ZMIZ1: variants seen among roughly 807,000 people sequenced by gnomAD.
ZMIZ1 encodes the protein zinc finger MIZ domain-containing protein 1.
A neutral mutation model predicts 113.9 loss-of-function variants in ZMIZ1; 17 were observed. The ratio of observed to expected loss-of-function variants is 0.15; its 90% CI spans 0.10 to 0.22. ZMIZ1 has a LOEUF of 0.22. Among genes scored for constraint, ZMIZ1 ranks in the 10% least tolerant of loss-of-function variants. The pLI, the probability that ZMIZ1 is intolerant of heterozygous loss-of-function variation, is 1.00. For synonymous variants in ZMIZ1, 607 were observed against 603.1 expected, an observed-to-expected ratio of 1.01 and a Z score of -0.09; for missense variants, 1,059 against 1,477.8, an observed-to-expected ratio of 0.72 and a Z score of 4.65.
chr10:79,261,501 C>A (rs532271405), intron 7 of ZMIZ1, among the ~76,000 whole-genome samples: 3 of 152,322 alleles, frequency 2.0e-5, no homozygotes, highest in Admixed American at 6.5e-5. Flanking sequence ...AAACAGGGAG[C>A]CTGGCCTGAA....
chr10:79,253,667 ACTGG>A (rs1850693351), intron 7 of ZMIZ1, among the ~76,000 whole-genome samples: 1 of 152,184 alleles, frequency 6.6e-6, no homozygotes, highest in Non-Finnish European at 1.5e-5. Context: ...CCACCAGGGC[ACTGG>A]CAAGGTCCTG....
Position 79,293,388 on chromosome 10 carries a change from C to T in ZMIZ1, c.965C>T (p.Pro322Leu). 1.3e-6 allele frequency: 2 copies of T among 1,514,522 alleles called. No individual in the cohort carries two copies. The highest frequency in any genetic ancestry group is 1.8e-6 in the Non-Finnish European group (2 of 1,132,354). The allele number at this position is 1,514,522 out of a possible 1,614,324, so 93.8% of individuals were successfully genotyped here. ...GTCTGTTCCTCTTTCCAGATGGGTC[C>T]CACCCAGGCGTATAACAGCCAATTC... is the stretch of plus-strand genomic sequence containing the variant. ...KDINQYGPMG[P>L]TQAYNSQFMN... is the part of the protein sequence containing the mutation. The change falls in exon 12 of 25, where the codon CCC becomes CTC. Residue 322 changes from proline to leucine, a missense_variant. Coordinates refer to ENST00000334512, the MANE Select transcript of ZMIZ1 (RefSeq NM_020338.4).
intron 8 of ZMIZ1, among the ~76,000 whole-genome samples, chr10:79,289,015 G>T (rs1853284340): frequency 1.3e-5 from 2 of 152,190 alleles, no homozygotes; most frequent in African/African-American, 4.8e-5. Flanking sequence ...GCCAAAGCGG[G>T]GTGAGGGAAT....
intron 2 of ZMIZ1, among the ~76,000 whole-genome samples, chr10:79,136,144 G>A (rs1269669776): frequency 6.6e-6 from 1 of 152,176 alleles, no homozygotes; most frequent in Non-Finnish European, 1.5e-5. Flanking sequence ...CAGAACTCAT[G>A]TAGGTCACCA....
chr10:79,302,749 A>C (rs1201813614), intron 18 of ZMIZ1, among the ~76,000 whole-genome samples: 1 of 131,062 alleles, frequency 7.6e-6, no homozygotes, highest in African/African-American at 2.9e-5. Flanking sequence ...GCTGGAGTGC[A>C]GTGGCATGAT....
At chr10:79,134,248 AG>A (rs1464427465) in intron 2 of ZMIZ1, among the ~76,000 whole-genome samples, 2 of 152,192 alleles carry the variant, frequency 1.3e-5, no homozygotes, top group African/African-American at 4.8e-5. Context: ...TGGAGCTGGG[AG>A]GAACCTGTGG....
intron 3 of ZMIZ1, among the ~76,000 whole-genome samples, chr10:79,149,375 G>C (rs1325497270): frequency 6.6e-6 from 1 of 152,234 alleles, no homozygotes; most frequent in East Asian, 1.9e-4. Context: ...GGACTGGAGA[G>C]GGCTGAGGGC....
chr10:79,177,554 A>T (rs1238942993), intron 4 of ZMIZ1, among the ~76,000 whole-genome samples: 1 of 152,198 alleles, frequency 6.6e-6, no homozygotes, highest in Non-Finnish European at 1.5e-5. Flanking sequence ...TTGCCGAAAC[A>T]CACACCACCA....
At chr10:79,231,653 A>G (rs968863620) in intron 7 of ZMIZ1, among the ~76,000 whole-genome samples, 11 of 152,176 alleles carry the variant, frequency 7.2e-5, no homozygotes, top group African/African-American at 2.4e-4. Flanking sequence ...ATCTTGGCTC[A>G]CTGCAACCTC....
intron 2 of ZMIZ1, among the ~76,000 whole-genome samples, chr10:79,132,110 C>G (rs1472195760): frequency 1.3e-5 from 2 of 152,222 alleles, no homozygotes; most frequent in Non-Finnish European, 2.9e-5. Flanking sequence ...AACCACTACC[C>G]TGGGCTTTGA....
At chr10:79,278,755 GTAAGGT>G (rs1852477132) in intron 8 of ZMIZ1, among the ~76,000 whole-genome samples, 3 of 151,916 alleles carry the variant, frequency 2.0e-5, no homozygotes, top group Non-Finnish European at 4.4e-5. Flanking sequence ...GGGGTTGGGG[GTAAGGT>G]TATAGATTAA....
chr10:79,069,676 C>T lies in ZMIZ1; in HGVS notation c.-337+406C>T, dbSNP rs997687691. On this transcript the variant is annotated intron_variant, in intron 1 of 24. Transcript: ENST00000334512. This position sits in a 1 kb window ranked among gnomAD's most constrained non-coding sequence, Gnocchi z 4.6. Reference sequence around the variant, plus strand: ...AGGACCGCCTCGGTCTCCTTCGCCTCCTCTGGGGAGATGCGAAGTTGTGCG... The same window carrying T: ...AGGACCGCCTCGGTCTCCTTCGCCTTCTCTGGGGAGATGCGAAGTTGTGCG... 2.6e-5 allele frequency among the ~76,000 whole-genome samples: 4 copies of T among 152,160 alleles called. No individual in the cohort carries two copies. The highest frequency in any genetic ancestry group is 3.9e-4 in the East Asian group (2 of 5,170).
chr10:79,266,749 G>A (rs142165295), intron 7 of ZMIZ1, among the ~76,000 whole-genome samples: 3 of 152,322 alleles, frequency 2.0e-5, no homozygotes, highest in Non-Finnish European at 4.4e-5. Flanking sequence ...AGAGCTGGCA[G>A]GGAGGAGGCC....
At chr10:79,225,761 C>T (rs908182836) in intron 7 of ZMIZ1, among the ~76,000 whole-genome samples, 8 of 152,120 alleles carry the variant, frequency 5.3e-5, no homozygotes, top group Non-Finnish European at 7.3e-5. Context: ...GGGGCCATAT[C>T]ACCTAGACCA....
intron 4 of ZMIZ1, among the ~76,000 whole-genome samples, chr10:79,185,975 C>T (rs780960488): frequency 6.6e-6 from 1 of 152,016 alleles, no homozygotes; most frequent in Non-Finnish European, 1.5e-5. Context: ...CAGCCAGGCC[C>T]GATGACCCCA....
At chr10:79,160,617 A>G (rs1490263444) in intron 3 of ZMIZ1, among the ~76,000 whole-genome samples, 2 of 152,266 alleles carry the variant, frequency 1.3e-5, no homozygotes, top group Non-Finnish European at 2.9e-5. Context: ...GATTTGAAGC[A>G]GATCCTTGTG....
intron 1 of ZMIZ1, among the ~76,000 whole-genome samples, chr10:79,082,389 TGGCTCATCA>T (rs1358057223): frequency 2.0e-5 from 3 of 152,214 alleles, no homozygotes; most frequent in African/African-American, 7.2e-5. Flanking sequence ...CCCAGCTTTT[TGGCTCATCA>T]GGCTCATTTG....
chr10:79,302,146 G>T lies in ZMIZ1; in HGVS notation c.2059G>T (p.Val687Phe), dbSNP rs12767060. Residue 687 changes from valine (V) to phenylalanine (F), a missense_variant, in exon 18 of 25, where the codon GTC (valine) becomes TTC (phenylalanine). Coordinates refer to ENST00000334512, the MANE Select transcript of ZMIZ1 (RefSeq NM_020338.4). ...FVLQLVHRPS[V>F]RSVLQGLLKK... ...GCTGCAGCTGGTACACCGGCCCTCC[G>T]TCCGCTCTGTGCTGCAAGGACTCCT... The T allele has an allele frequency of 6.2e-7, 1 of 1,613,960 alleles. No homozygotes were observed. The highest frequency in any genetic ancestry group is 2.2e-5 in the East Asian group (1 of 44,878).
At chr10:79,210,401 A>C (rs377254394) in intron 6 of ZMIZ1, among the ~76,000 whole-genome samples, 2 of 152,368 alleles carry the variant, frequency 1.3e-5, no homozygotes, top group East Asian at 3.9e-4. Flanking sequence ...GCTGGGCCCC[A>C]GAGGGACCAT....
Sources: gnomAD v4.1 joint callset for allele counts (sites outside exome capture counted in the v4.1 genomes callset) on GRCh38, gnomAD v4.1.1 for gene constraint, Gnocchi (gnomAD v3.1) non-coding constraint, MANE v1.5 for transcripts, NCBI Gene and HGNC (gene_info 2026-07-23, HGNC 2026-07-21) for gene names.